The following ROBO2 variants were observed in gnomAD, a reference collection of about 807,000 sequenced individuals.
ROBO2 encodes the protein roundabout guidance receptor 2.
A neutral mutation model predicts 160.8 loss-of-function variants in ROBO2; 53 were observed. The ratio of observed to expected loss-of-function variants is 0.33; its 90% CI spans 0.26 to 0.41. ROBO2 has a LOEUF of 0.41. Among genes scored for constraint, ROBO2 ranks in the 10% least tolerant of loss-of-function variants. ROBO2 has a pLI of 1.00. For synonymous variants in ROBO2, 664 were observed against 611.7 expected, an observed-to-expected ratio of 1.09 and a Z score of -1.26; for missense variants, 1,577 against 1,722.4, an observed-to-expected ratio of 0.92 and a Z score of 1.49.
At chr3:77,424,208 G>A (rs1342749563) in intron 2 of ROBO2, among the ~76,000 whole-genome samples, 1 of 152,152 alleles carries the variant, frequency 6.6e-6, no homozygotes, top group Non-Finnish European at 1.5e-5. Context: ...AATCAGAGAA[G>A]GTGTTGTAGA....
At chr3:75,917,335 G>C (rs1946854476) in intron 1 of ROBO2, among the ~76,000 whole-genome samples, 1 of 152,076 alleles carries the variant, frequency 6.6e-6, no homozygotes, top group African/African-American at 2.4e-5. Context: ...GATGGTTCCA[G>C]CTTCATCCAT....
chr3:76,561,201 T>C (rs2108492934), intron 2 of ROBO2, among the ~76,000 whole-genome samples: 1 of 152,046 alleles, frequency 6.6e-6, no homozygotes, highest in Middle Eastern at 3.4e-3. Flanking sequence ...TTTTATCATG[T>C]CTGCACATCA....
chr3:77,447,662 G>A (rs766891825), intron 2 of ROBO2, among the ~76,000 whole-genome samples: 16 of 152,116 alleles, frequency 1.1e-4, no homozygotes, highest in South Asian at 2.1e-4. Flanking sequence ...ATCAGCGATA[G>A]TATCCTTTTG....
intron 2 of ROBO2, among the ~76,000 whole-genome samples, chr3:77,467,577 C>CA (rs914685003): frequency 2.9e-5 from 4 of 140,170 alleles, no homozygotes; most frequent in Admixed American, 1.5e-4. Context: ...GCTTTATCAT[C>CA]TATCTGTCTG....
intron 2 of ROBO2, among the ~76,000 whole-genome samples, chr3:76,487,856 C>T (rs1352828311): frequency 6.6e-6 from 1 of 152,220 alleles, no homozygotes; most frequent in Non-Finnish European, 1.5e-5. Flanking sequence ...ACATGACTAT[C>T]TCCGTGGACC....
intron 2 of ROBO2, among the ~76,000 whole-genome samples, chr3:76,721,439 A>G (rs908785457): frequency 2.6e-5 from 4 of 152,176 alleles, no homozygotes; most frequent in Admixed American, 6.5e-5. Flanking sequence ...TCGTTGTGAT[A>G]TATTAGTAGT....
intron 2 of ROBO2, among the ~76,000 whole-genome samples, chr3:77,109,526 C>G (rs2073293986): frequency 6.6e-6 from 1 of 152,050 alleles, no homozygotes; most frequent in Non-Finnish European, 1.5e-5. Context: ...AGGAGTTGCT[C>G]TGGTGTGAAA....
intron 2 of ROBO2, among the ~76,000 whole-genome samples, chr3:76,910,134 C>T (rs2075875493): frequency 6.6e-6 from 1 of 152,118 alleles, no homozygotes; most frequent in Non-Finnish European, 1.5e-5. Context: ...AAGATGTCCT[C>T]ATTTTAGCCA....
At chr3:76,394,637 C>T (rs191216674) in intron 2 of ROBO2, among the ~76,000 whole-genome samples, 89 of 152,060 alleles carry the variant, frequency 5.9e-4, no homozygotes, top group Admixed American at 9.2e-4. Flanking sequence ...TTGTGGCGTT[C>T]TCTGTATTTC....
intron 2 of ROBO2, among the ~76,000 whole-genome samples, chr3:77,029,539 T>C (rs1354775294): frequency 1.3e-5 from 2 of 152,230 alleles, no homozygotes; most frequent in East Asian, 3.8e-4. Context: ...TGTGTAAATC[T>C]GGTTCTGTGA....
chr3:76,489,488 A>C (rs1203984518), intron 2 of ROBO2, among the ~76,000 whole-genome samples: 2 of 152,158 alleles, frequency 1.3e-5, no homozygotes, highest in African/African-American at 4.8e-5. Flanking sequence ...CACACAGTGA[A>C]TTCTCAACCA....
intron 1 of ROBO2, among the ~76,000 whole-genome samples, chr3:77,095,650 T>G (rs574500434): frequency 1.4e-3 from 211 of 152,274 alleles, no homozygotes; most frequent in Middle Eastern, 3.4e-3. Flanking sequence ...GACATAAAAC[T>G]CTTGATGTAT....
intron 2 of ROBO2, among the ~76,000 whole-genome samples, chr3:77,247,957 A>G (rs1049471088): frequency 2.0e-5 from 3 of 152,154 alleles, no homozygotes; most frequent in African/African-American, 7.2e-5. Context: ...AAGAGCTTGC[A>G]TCCCTGTTTT....
intron 2 of ROBO2, among the ~76,000 whole-genome samples, chr3:76,431,062 T>C (rs2076415998): frequency 6.6e-6 from 1 of 152,050 alleles, no homozygotes; most frequent in Non-Finnish European, 1.5e-5. Flanking sequence ...ATTAAATAAC[T>C]CAGCAGTAGA....
chr3:77,349,017 T>A (rs1445184678), intron 2 of ROBO2, among the ~76,000 whole-genome samples: 1 of 152,138 alleles, frequency 6.6e-6, no homozygotes, highest in Non-Finnish European at 1.5e-5. Flanking sequence ...GGTTTTGTAT[T>A]CCTGTTTCCT....
chr3:77,084,598 A>T (rs7628684), intron 1 of ROBO2, among the ~76,000 whole-genome samples: 41,870 of 151,868 alleles, frequency 0.28, 6,232 homozygotes, highest in East Asian at 0.54. Context: ...AGTGGCTGGA[A>T]GGAGGTTAAT....
intron 2 of ROBO2, among the ~76,000 whole-genome samples, chr3:76,012,391 A>C (rs904986469): frequency 2.0e-5 from 3 of 152,156 alleles, no homozygotes; most frequent in African/African-American, 7.2e-5. Flanking sequence ...ACAAAATAAA[A>C]CACTTTTTAT....
intron 2 of ROBO2, among the ~76,000 whole-genome samples, chr3:76,092,153 G>A (rs913921320): frequency 2.6e-5 from 4 of 152,058 alleles, no homozygotes; most frequent in Non-Finnish European, 5.9e-5. Flanking sequence ...TGATAGTGTG[G>A]GACGTTGCGC....
intron 2 of ROBO2, among the ~76,000 whole-genome samples, chr3:76,038,641 A>G (rs1469045218): frequency 6.6e-6 from 1 of 151,848 alleles, no homozygotes; most frequent in African/African-American, 2.4e-5. Flanking sequence ...TCCTTGTCCT[A>G]CCATGCTTCT....
Sources: allele counts gnomAD v4.1 joint callset (sites outside exome capture counted in the v4.1 genomes callset), GRCh38; gene constraint gnomAD v4.1.1; transcripts MANE v1.5; gene names NCBI Gene and HGNC (gene_info 2026-07-23, HGNC 2026-07-21).